Variants in STIM2 observed in about 807,000 individuals in gnomAD.
STIM2 encodes the protein stromal interaction molecule 2.
In STIM2, 31 loss-of-function variants were observed where a neutral mutation model predicts 85.8. The ratio of observed to expected loss-of-function variants is 0.36; its 90% CI spans 0.27 to 0.49. The LOEUF is 0.49. Ranked by LOEUF, STIM2 falls within the 20% of genes least tolerant of loss-of-function variation. STIM2 has a pLI of 0.98. For synonymous variants in STIM2, 356 were observed against 331.1 expected (o/e 1.08, Z -0.82); for missense variants, 841 against 927.6 (o/e 0.91, Z 1.21).
chr4:26,985,365 A>G (rs1334501958), intron 3 of STIM2, among the ~76,000 whole-genome samples: 1 of 152,084 alleles, frequency 6.6e-6, no homozygotes, highest in Non-Finnish European at 1.5e-5. Flanking sequence ...CAGTGTAAAG[A>G]GAAACTGAGA....
chr4:26,916,926 A>G (rs1724604524), intron 1 of STIM2, among the ~76,000 whole-genome samples: 2 of 152,252 alleles, frequency 1.3e-5, no homozygotes, highest in South Asian at 4.1e-4. Context: ...TTTTTTGAGT[A>G]TGGATACTCT....
intron 3 of STIM2, among the ~76,000 whole-genome samples, chr4:26,966,444 G>GT (rs1164050580): frequency 6.6e-6 from 1 of 152,104 alleles, no homozygotes; most frequent in East Asian, 1.9e-4. Context: ...GGACTTGTTT[G>GT]TTGAGAATGA....
intron 3 of STIM2, among the ~76,000 whole-genome samples, chr4:26,959,203 T>C (rs940002850): frequency 6.6e-6 from 1 of 152,162 alleles, no homozygotes; most frequent in Non-Finnish European, 1.5e-5. Context: ...CTGCCTTCTG[T>C]TTCCACCTCT....
chr4:26,876,914 T>C (rs549690315), intron 1 of STIM2, among the ~76,000 whole-genome samples: 3 of 152,314 alleles, frequency 2.0e-5, no homozygotes, highest in African/African-American at 7.2e-5. Context: ...ACATATATAC[T>C]TTCCAATAGT....
At chr4:26,982,769 A>T (rs1281855188) in intron 3 of STIM2, among the ~76,000 whole-genome samples, 1 of 152,116 alleles carries the variant, frequency 6.6e-6, no homozygotes. Context: ...TGCACACCTT[A>T]TATTTCTTTT....
chr4:26,879,356 G>A (rs1722921832), intron 1 of STIM2, among the ~76,000 whole-genome samples: 1 of 151,872 alleles, frequency 6.6e-6, no homozygotes, highest in African/African-American at 2.4e-5. Flanking sequence ...CCTGCCTGTG[G>A]TGAAGAATGC....
At chr4:26,957,307 TAAG>T (rs1726281587) in intron 2 of STIM2, among the ~76,000 whole-genome samples, 1 of 152,078 alleles carries the variant, frequency 6.6e-6, no homozygotes. Flanking sequence ...AACCCACAGA[TAAG>T]GAGGGGGTGA....
chr4:26,954,441 A>C (rs1726172203), intron 2 of STIM2, among the ~76,000 whole-genome samples: 1 of 131,960 alleles, frequency 7.6e-6, no homozygotes, highest in South Asian at 2.3e-4. Context: ...ACATTATTTG[A>C]AGACTCACTT....
chr4:27,012,457 T>C (rs1250861426), intron 10 of STIM2, among the ~76,000 whole-genome samples: 1 of 10,100 alleles, frequency 9.9e-5, no homozygotes, highest in African/African-American at 1.3e-4. Flanking sequence ...AAAAAAAGAT[T>C]AATTTTAGGT....
At chr4:26,988,334 T>C (rs891999337) in intron 3 of STIM2, among the ~76,000 whole-genome samples, 2 of 152,104 alleles carry the variant, frequency 1.3e-5, no homozygotes, top group African/African-American at 4.8e-5. Context: ...AATGAATGGA[T>C]AGAGAAAACT....
intron 4 of STIM2, 106 bp downstream of exon 4, chr4:26,995,596 A>G: frequency 2.0e-6 from 1 of 501,646 alleles, no homozygotes; most frequent in South Asian, 4.9e-5. Context: ...TGAGGGCACA[A>G]AGGAAATATA....
At chr4:26,886,906 C>T (rs370898880) in intron 1 of STIM2, among the ~76,000 whole-genome samples, 1 of 152,040 alleles carries the variant, frequency 6.6e-6, no homozygotes, top group African/African-American at 2.4e-5. Flanking sequence ...GGCTTTTGTC[C>T]GGGGAGAGAA....
At chr4:26,927,680 TAAAAAAAAAAAAA>T (rs71186498) in intron 2 of STIM2, among the ~76,000 whole-genome samples, 6 of 23,464 alleles carry the variant, frequency 2.6e-4, no homozygotes, top group East Asian at 4.9e-3. Flanking sequence ...TAGAGTATAA[TAAAAAAAAAAAAA>T]AAAAAAAAAA....
At chr4:26,974,433 G>A (rs997622352) in intron 3 of STIM2, among the ~76,000 whole-genome samples, 1 of 152,198 alleles carries the variant, frequency 6.6e-6, no homozygotes, top group Non-Finnish European at 1.5e-5. Flanking sequence ...GGCAGGCCTG[G>A]TGGTGACAGA....
At chr4:26,944,894 A>G (rs1725756512) in intron 2 of STIM2, among the ~76,000 whole-genome samples, 1 of 152,204 alleles carries the variant, frequency 6.6e-6, no homozygotes, top group African/African-American at 2.4e-5. Context: ...GTTTAAATGA[A>G]TAAAGTGTAT....
At chr4:26,922,631 C>G (rs1435926425) in intron 2 of STIM2, among the ~76,000 whole-genome samples, 2 of 152,266 alleles carry the variant, frequency 1.3e-5, no homozygotes, top group African/African-American at 4.8e-5. Flanking sequence ...ATATGCCCAC[C>G]AGCCTGGAAG....
intron 1 of STIM2, among the ~76,000 whole-genome samples, chr4:26,885,822 TATATATATATATATATATATATATATA>T (rs1723199065): frequency 2.0e-4 from 1 of 4,958 alleles, no homozygotes; most frequent in South Asian, 5.4e-3. Flanking sequence ...CACCTCAGGT[TATATATATATATATATATATATATATA>T]TATATATATA....
intron 1 of STIM2, among the ~76,000 whole-genome samples, chr4:26,896,346 T>C (rs1049575260): frequency 1.3e-5 from 2 of 152,256 alleles, no homozygotes; most frequent in Non-Finnish European, 2.9e-5. Flanking sequence ...TAAAATCCTT[T>C]CTGCCATGTA....
chr4:26,930,755 G>A (rs1438257677), intron 2 of STIM2, among the ~76,000 whole-genome samples: 3 of 152,182 alleles, frequency 2.0e-5, no homozygotes, highest in African/African-American at 7.2e-5. Flanking sequence ...TTTGAATTAT[G>A]TGGGGTATTG....
Sources: gnomAD v4.1 joint callset for allele counts (sites outside exome capture counted in the v4.1 genomes callset) on GRCh38, gnomAD v4.1.1 for gene constraint, MANE v1.5 for transcripts, NCBI Gene and HGNC (gene_info 2026-07-23, HGNC 2026-07-21) for gene names.